The following DNAH3 variants were observed in gnomAD, a reference collection of about 807,000 sequenced individuals.
DNAH3 encodes axonemal beta dynein heavy chain 3.
DNAH3 carries 332 observed loss-of-function variants against 432.5 expected under a neutral mutation model. The ratio of observed to expected loss-of-function variants is 0.77; its 90% CI spans 0.70 to 0.84. DNAH3 has a LOEUF of 0.84. Among genes scored for constraint, DNAH3 ranks in the 40% least tolerant of loss-of-function variants. The pLI is 0.00. For missense variants in DNAH3, 4,861 were observed against 5,114.0 expected (o/e 0.95, Z 1.51); for synonymous variants, 1,956 against 1,900.2 (o/e 1.03, Z -0.76).
intron 61 of DNAH3, 86 bp from the exon 62 acceptor site, chr16:20,933,593 A>C: frequency 9.2e-7 from 1 of 1,091,620 alleles, no homozygotes; most frequent in South Asian, 1.6e-5. Flanking sequence ...CTGATACTCA[A>C]AGTGCAACCT....
intron 6 of DNAH3, among the ~76,000 whole-genome samples, 199 bp downstream of exon 7, chr16:21,136,125 C>T (rs551677488): frequency 2.0e-5 from 3 of 151,812 alleles, no homozygotes; most frequent in Non-Finnish European, 2.9e-5. Flanking sequence ...AAAGAAGATG[C>T]CTTCCAGGCC....
chr16:21,152,963 C>T (rs2092871807), intron 1 of DNAH3, among the ~76,000 whole-genome samples: 1 of 152,234 alleles, frequency 6.6e-6, no homozygotes, highest in African/African-American at 2.4e-5. Context: ...CACCGACCAC[C>T]CAAGGGCTGA....
At chr16:20,989,110 G>C (rs1322438362) in intron 44 of DNAH3, among the ~76,000 whole-genome samples, 1 of 152,200 alleles carries the variant, frequency 6.6e-6, no homozygotes, top group East Asian at 1.9e-4. Flanking sequence ...ACCCGAGCGG[G>C]TTACCACTGC....
intron 7 of DNAH3, among the ~76,000 whole-genome samples, chr16:21,130,260 A>G (rs1411267999): frequency 6.6e-6 from 1 of 151,662 alleles, no homozygotes; most frequent in Non-Finnish European, 1.5e-5. Context: ...CGGCTGGATA[A>G]GGAAGAGCGG....
chr16:20,956,965 C>A (rs868418393), intron 54 of DNAH3, among the ~76,000 whole-genome samples: 1 of 152,172 alleles, frequency 6.6e-6, no homozygotes, highest in Non-Finnish European at 1.5e-5. Context: ...TCATGTGATC[C>A]GCCTGCCTTG....
At chr16:21,084,309 TTTTAC>T (rs1292350135) in intron 19 of DNAH3, among the ~76,000 whole-genome samples, 2 of 148,406 alleles carry the variant, frequency 1.3e-5, no homozygotes, top group Non-Finnish European at 3.0e-5. Flanking sequence ...GTTAGAATTT[TTTTAC>T]TTTATTTATT....
At chr16:21,131,427 AAAAGAAAGG>A (rs1171522424) in intron 7 of DNAH3, among the ~76,000 whole-genome samples, 1 of 149,230 alleles carries the variant, frequency 6.7e-6, no homozygotes, top group Admixed American at 6.8e-5. Context: ...AAGAAAGAAG[AAAAGAAAGG>A]AAGAAAGAAA....
chr16:21,117,407 C>G, intron 11 of DNAH3, 68 bp from the exon 12 acceptor site: 1 of 857,192 alleles, frequency 1.2e-6, no homozygotes, highest in Non-Finnish European at 1.9e-6. Context: ...AAATGCAAAG[C>G]CTTCTCTAAT....
chr16:21,146,170 C>T (rs2152832711), intron 1 of DNAH3, 82 bp from the exon 3 acceptor site: 2 of 893,396 alleles, frequency 2.2e-6, no homozygotes, highest in Non-Finnish European at 3.7e-6. Flanking sequence ...CTAAAGAGGT[C>T]CCCAGGAAAA....
chr16:20,947,796 T>C (rs556219183), intron 57 of DNAH3, among the ~76,000 whole-genome samples: 1 of 152,280 alleles, frequency 6.6e-6, no homozygotes, highest in South Asian at 2.1e-4. Context: ...TGTTTGTTTT[T>C]TTGAGACAGT....
chr16:21,145,112 A>T, intron 3 of DNAH3, 69 bp downstream of exon 4: 2 of 1,310,438 alleles, frequency 1.5e-6, no homozygotes, highest in Non-Finnish European at 2.1e-6. Flanking sequence ...ACTCCATCTA[A>T]AATAAATAAA....
At chr16:21,122,655 C>T (rs1440395634) in intron 9 of DNAH3, among the ~76,000 whole-genome samples, 2 of 152,156 alleles carry the variant, frequency 1.3e-5, no homozygotes, top group Admixed American at 1.3e-4. Flanking sequence ...TTTGTTTATG[C>T]GGCTTGGTAA....
In DNAH3 at chr16:20,944,269, A is replaced by G. The variant is rs147501393; in HGVS notation, c.11511+227T>C. 1.6e-3 allele frequency among the ~76,000 whole-genome samples: 248 copies of G among 152,356 alleles called. 1 individual carries two copies. Among genetic ancestry groups the G allele is most frequent in the African/African-American group, 5.7e-3 (238 of 41,578 alleles). On this transcript the variant is annotated intron_variant, in intron 58 of 61. Coordinates refer to ENST00000261383, the Ensembl canonical transcript of DNAH3. ...GTGATAGGTGGATATAGCAGAAAAC[A>G]TGAAGGTTATACAGGAATAGCTGAC... is the stretch of plus-strand genomic sequence containing the variant.
Position 20,969,084 on chromosome 16 carries a change from CTCTGTG to C in DNAH3, c.8458+702_8458+707del, listed in dbSNP as rs1396140893. On this transcript the variant is annotated intron_variant, in intron 52 of 61. Transcript: ENST00000261383. ...GTCTCTCCCCATCTGCTTTTTCTTT[CTCTGTG>C]TGTGTGTGTGTGTGTGTGTGTGTGT... Among the ~76,000 whole-genome samples the C allele has an allele frequency of 3.2e-3, 352 of 110,730 alleles. 4 individuals are homozygous for C. The highest frequency in any genetic ancestry group is 3.8e-3 in the Non-Finnish European group (210 of 55,206). The allele number at this position is 110,730 out of a possible 152,430, so 72.6% of individuals were successfully genotyped here.
intron 37 of DNAH3, among the ~76,000 whole-genome samples, chr16:21,028,384 A>G (rs1031926874): frequency 7.2e-5 from 11 of 152,010 alleles, no homozygotes; most frequent in African/African-American, 2.2e-4. Context: ...AGCTAGGCAC[A>G]GTGGCTCGTG....
At chr16:21,069,463 C>T in exon 23 of DNAH3, 1 of 1,614,112 alleles carries the variant, frequency 6.2e-7, no homozygotes, top group Non-Finnish European at 8.5e-7. Context: ...TGCCAAATTT[C>T]CTCCCCTCTT....
intron 48 of DNAH3, 54 bp from the exon 49 acceptor site, chr16:20,982,940 G>A: frequency 2.5e-6 from 4 of 1,602,556 alleles, no homozygotes; most frequent in African/African-American, 1.3e-5. Context: ...GTGGACCCAA[G>A]GAGGCAGGCG....
intron 5 of DNAH3, among the ~76,000 whole-genome samples, chr16:21,137,451 T>C (rs1204401987): frequency 6.6e-6 from 1 of 151,188 alleles, no homozygotes; most frequent in African/African-American, 2.4e-5. Context: ...ACACAGAATT[T>C]CACTTTTGTC....
intron 19 of DNAH3, among the ~76,000 whole-genome samples, chr16:21,084,033 G>A (rs931810437): frequency 5.9e-5 from 9 of 152,000 alleles, no homozygotes; most frequent in South Asian, 2.1e-4. Flanking sequence ...TCCTCTGACC[G>A]GACCTTTTTT....
Sources: gnomAD v4.1 joint callset for allele counts (sites outside exome capture counted in the v4.1 genomes callset) on GRCh38, gnomAD v4.1.1 for gene constraint, MANE v1.5 for transcripts, NCBI Gene and HGNC (gene_info 2026-07-23, HGNC 2026-07-21) for gene names.